Variants in FRS2 observed in about 807,000 individuals in gnomAD.
FRS2 encodes fibroblast growth factor receptor substrate 2, also known as FGFR signalling adaptor.
In FRS2, 8 loss-of-function variants were observed where a neutral mutation model predicts 43.9. That is an observed-to-expected ratio of 0.18 (90% CI 0.11 to 0.33). FRS2 has a LOEUF of 0.33. FRS2 is among the 10% of genes least tolerant of loss of function. The probability of loss-of-function intolerance (pLI) is 1.00; values close to 1 mark genes in which losing one functional copy is unlikely to be tolerated. For synonymous variants in FRS2, 219 were observed against 220.3 expected, an observed-to-expected ratio of 0.99 and a Z score of 0.05; for missense variants, 534 against 627.6, an observed-to-expected ratio of 0.85 and a Z score of 1.59.
At chr12:69,559,356 T>C (rs1056115060) in intron 3 of FRS2, among the ~76,000 whole-genome samples, 1 of 152,116 alleles carries the variant, frequency 6.6e-6, no homozygotes, top group African/African-American at 2.4e-5. Flanking sequence ...ATTGAAGTGA[T>C]TTGTAAGTAA....
At chr12:69,528,029 G>T (rs1300579510) in intron 1 of FRS2, among the ~76,000 whole-genome samples, 1 of 152,152 alleles carries the variant, frequency 6.6e-6, no homozygotes. Flanking sequence ...ATGTGGATAA[G>T]TCAGTTTTGC....
In FRS2 at chr12:69,565,047, CAT is replaced by C. The variant is rs1880175095; in HGVS notation, c.-27+2775_-27+2776del. ...GACAGTTTCGTCACTGCGCAAACGT[CAT>C]AGAGTGTACTTACACAAACCTAAAT... On this transcript the variant is annotated intron_variant, in intron 4 of 8. Transcript: ENST00000549921. Among the ~76,000 whole-genome samples, 5 of 152,318 alleles carry C rather than the reference CAT, an allele frequency of 3.3e-5. No homozygotes were observed. In the South Asian group the frequency reaches 1.0e-3, roughly 32 times the overall value.
At chr12:69,549,184 T>A (rs1878663378) in intron 3 of FRS2, among the ~76,000 whole-genome samples, 1 of 152,188 alleles carries the variant, frequency 6.6e-6, no homozygotes, top group South Asian at 2.1e-4. Flanking sequence ...CCATAAAATT[T>A]CGTGAAGTCT....
chr12:69,572,067 A>G, intron 7 of FRS2, 51 bp from the exon 8 acceptor site: 1 of 1,451,466 alleles, frequency 6.9e-7, no homozygotes, highest in Non-Finnish European at 9.6e-7. Flanking sequence ...ACTCATTTTT[A>G]TTCTCTCTGC....
chr12:69,547,091 T>C (rs1169341595), intron 3 of FRS2, among the ~76,000 whole-genome samples: 2 of 152,208 alleles, frequency 1.3e-5, no homozygotes, highest in Non-Finnish European at 2.9e-5. Context: ...GAAGACATTA[T>C]GCAAAGTGAA....
At chr12:69,493,566 C>A (rs1872640589) in intron 1 of FRS2, among the ~76,000 whole-genome samples, 1 of 152,116 alleles carries the variant, frequency 6.6e-6, no homozygotes, top group Non-Finnish European at 1.5e-5. Context: ...ACTAAAAATA[C>A]AAAAATTAGC....
At chr12:69,471,561 G>A (rs564088326) in intron 1 of FRS2, among the ~76,000 whole-genome samples, 1 of 152,344 alleles carries the variant, frequency 6.6e-6, no homozygotes, top group African/African-American at 2.4e-5. Flanking sequence ...TCCATGAAGT[G>A]TTTACTTCGG....
Position 69,572,255 on chromosome 12 carries a change from C to T in FRS2, c.550C>T (p.His184Tyr), listed in dbSNP as rs773791574. The T allele has an allele frequency of 9.9e-6, 16 of 1,613,812 alleles. No homozygotes were observed. Among genetic ancestry groups the T allele is most frequent in the Non-Finnish European group, 1.4e-5 (16 of 1,179,730 alleles). ...GCCTTCAGTAGGGGAAGAATCTACA[C>T]ATCCTTTGCTTGTGGCTGAGGAACA... is the stretch of plus-strand genomic sequence containing the variant. ...RLPSVGEEST[H>Y]PLLVAEEQVH... The change falls in exon 8 of 9, where the codon CAT (histidine) becomes TAT (tyrosine). Residue 184 changes from histidine (H) to tyrosine (Y), a missense_variant. Transcript: ENST00000549921.
rs1167098788 is a variant in FRS2 at position 69,571,171 on chromosome 12, C to T, written c.254-105C>T. On this transcript the variant is annotated intron_variant, in intron 6 of 8. Coordinates refer to ENST00000549921, the MANE Select transcript of FRS2 (RefSeq NM_001278356.2). ...ATTTATTTAAAAGGGATTTCTGACT[C>T]GGTGCGTAGAATGCTTACTTTACAA... 3.0e-5 allele frequency: 19 copies of T among 636,560 alleles called. No homozygotes were observed. The East Asian group carries it at 5.2e-4, about 17-fold the overall frequency. 39.4% of individuals were successfully genotyped at this position (636,560 alleles called of 1,614,324 possible).
chr12:69,556,766 G>A lies in FRS2; in HGVS notation c.-121-5414G>A, dbSNP rs147901022. Among the ~76,000 whole-genome samples the A allele has an allele frequency of 5.5e-4, 83 of 152,178 alleles. No homozygotes were observed. The East Asian group carries it at 0.011, about 21-fold the overall frequency. On this transcript the variant is annotated intron_variant, in intron 3 of 8. Transcript: ENST00000549921. ...TTTATGGTTTGAATAATATTAGTTC[G>A]TGTATTTAACATGAATCTTGAAATT...
intron 1 of FRS2, among the ~76,000 whole-genome samples, chr12:69,478,942 G>C (rs951426276): frequency 2.0e-5 from 3 of 150,586 alleles, no homozygotes; most frequent in Admixed American, 6.6e-5. Flanking sequence ...AATTTTATAT[G>C]AATGTCTTTT....
intron 1 of FRS2, among the ~76,000 whole-genome samples, chr12:69,495,961 G>T (rs1173390578): frequency 6.6e-6 from 1 of 152,150 alleles, no homozygotes; most frequent in Admixed American, 6.5e-5. Context: ...GTGCTTAATT[G>T]AATTATTAAT....
At chr12:69,484,232 C>T (rs370779886) in intron 1 of FRS2, among the ~76,000 whole-genome samples, 4 of 151,964 alleles carry the variant, frequency 2.6e-5, no homozygotes, top group Non-Finnish European at 5.9e-5. Context: ...CTACAGGCGC[C>T]CACCACCACG....
chr12:69,492,100 G>A (rs1872542404), intron 1 of FRS2, among the ~76,000 whole-genome samples: 1 of 152,042 alleles, frequency 6.6e-6, no homozygotes, highest in South Asian at 2.1e-4. Flanking sequence ...CAAACAACTG[G>A]CTTTCACTTG....
intron 1 of FRS2, among the ~76,000 whole-genome samples, chr12:69,509,186 C>T (rs1038280769): frequency 6.6e-6 from 1 of 151,840 alleles, no homozygotes; most frequent in Admixed American, 6.6e-5. Context: ...TTCAGTAAGA[C>T]ATTTTGTCTT....
chr12:69,574,082 G>T lies in FRS2; in HGVS notation c.654G>T (p.Ala218=). The T allele has an allele frequency of 6.2e-7, 1 of 1,613,984 alleles. No homozygotes were observed. Among genetic ancestry groups the T allele is most frequent in the South Asian group, 1.1e-5 (1 of 91,082 alleles). Residue 218 remains alanine (A), a synonymous_variant, in exon 9 of 9, where the codon GCG becomes GCT. Transcript: ENST00000549921. ...CAAGTGTGCATGTTCCATTGGAGGC[G>T]AGGGTTTCTAACGCTGAAAGCAGCA... ...NRTSVHVPLE[A]RVSNAESSTP...
chr12:69,535,328 A>G (rs1202239041), intron 3 of FRS2, among the ~76,000 whole-genome samples: 1 of 152,166 alleles, frequency 6.6e-6, no homozygotes, highest in African/African-American at 2.4e-5. Context: ...CTTAAATGAA[A>G]TGTGTTATTT....
chr12:69,529,013 T>TG (rs1876531991), intron 1 of FRS2, among the ~76,000 whole-genome samples: 1 of 151,670 alleles, frequency 6.6e-6, no homozygotes, highest in Non-Finnish European at 1.5e-5. Flanking sequence ...AGAGATGGGG[T>TG]GGGGGATAGC....
intron 1 of FRS2, among the ~76,000 whole-genome samples, chr12:69,489,624 C>T (rs975454860): frequency 6.7e-6 from 1 of 149,392 alleles, no homozygotes; most frequent in Non-Finnish European, 1.5e-5. Flanking sequence ...GAGCTGAGAC[C>T]ATGCCACTGC....
Sources: allele counts gnomAD v4.1 joint callset (sites outside exome capture counted in the v4.1 genomes callset), GRCh38; gene constraint gnomAD v4.1.1; transcripts MANE v1.5; gene names NCBI Gene and HGNC (gene_info 2026-07-23, HGNC 2026-07-21).